Variants in TSPEAR observed in about 807,000 individuals in gnomAD.
TSPEAR encodes thrombospondin type laminin G domain and EAR repeats.
TSPEAR carries 69 observed loss-of-function variants against 71.6 expected under a neutral mutation model. That is an observed-to-expected ratio of 0.96 (90% confidence interval 0.79 to 1.18). TSPEAR has a LOEUF of 1.18. Among genes scored for constraint, TSPEAR ranks in the 50% most tolerant of loss-of-function variants. The probability of loss-of-function intolerance (pLI) is 0.00; values close to 1 mark genes in which losing one functional copy is unlikely to be tolerated. For missense variants in TSPEAR, 971 were observed against 894.9 expected (o/e 1.09, Z -1.09); for synonymous variants, 402 against 387.2 (o/e 1.04, Z -0.45).
chr21:44,659,216 C>T (rs1170498123), intron 1 of TSPEAR, among the ~76,000 whole-genome samples: 2 of 152,090 alleles, frequency 1.3e-5, no homozygotes, highest in Non-Finnish European at 2.9e-5. Flanking sequence ...CTCCTCTGAA[C>T]GTCAGGCATG....
At chr21:44,600,168 C>T (rs587656986) in intron 1 of TSPEAR, among the ~76,000 whole-genome samples, 16 of 152,282 alleles carry the variant, frequency 1.1e-4, no homozygotes, top group African/African-American at 3.6e-4. Context: ...ACAGGGGCTT[C>T]TCTAGCCTGG....
chr21:44,653,711 T>G (rs1984948384), intron 1 of TSPEAR, among the ~76,000 whole-genome samples: 1 of 152,204 alleles, frequency 6.6e-6, no homozygotes, highest in African/African-American at 2.4e-5. Flanking sequence ...GTCCTCAATC[T>G]CACCCAGAAG....
chr21:44,597,432 C>CTTTTTTTTTTT (rs370569621), intron 1 of TSPEAR, among the ~76,000 whole-genome samples: 1 of 130,620 alleles, frequency 7.7e-6, no homozygotes, highest in African/African-American at 3.3e-5. Context: ...TTCTTTCTTT[C>CTTTTTTTTTTT]TTTTCTTTTT....
In TSPEAR at chr21:44,701,732, A is replaced by G. The variant is rs1385847681; in HGVS notation, c.82+9701T>C. On this transcript the variant is annotated intron_variant, in intron 1 of 11. Transcript: ENST00000323084. ...GGAGCTCGGGTGGTAAAGCTCACTCACCTGCCACTCCCCTCCGGCTGTAAA... is the reference window on the plus strand; with the variant it reads ...GGAGCTCGGGTGGTAAAGCTCACTCGCCTGCCACTCCCCTCCGGCTGTAAA... 5.7e-4 allele frequency among the ~76,000 whole-genome samples: 48 copies of G among 84,242 alleles called. No individual in the cohort carries two copies. In the Admixed American group the frequency reaches 7.1e-3, roughly 13 times the overall value. The allele number at this position is 84,242 out of a possible 152,430, so 55.3% of individuals were successfully genotyped here. A position where few individuals can be genotyped will look rare whatever the true frequency, so the allele number is the denominator to read the frequency against.
At chr21:44,603,804 C>G (rs1342040563) in intron 1 of TSPEAR, among the ~76,000 whole-genome samples, 3 of 152,340 alleles carry the variant, frequency 2.0e-5, no homozygotes, top group Middle Eastern at 3.4e-3. Flanking sequence ...ACCGCCATCC[C>G]TGGTGAAAGA....
chr21:44,578,647 C>G (rs455911), intron 1 of TSPEAR, among the ~76,000 whole-genome samples: 143,194 of 152,232 alleles, frequency 0.94, 67,530 homozygotes, highest in Non-Finnish European at 0.97. Context: ...TGGAGGAACA[C>G]CCACGCCTTG....
chr21:44,509,049 A>C, intron 10 of TSPEAR, 150 bp downstream of exon 10: 1 of 1,367,726 alleles, frequency 7.3e-7, no homozygotes, highest in Non-Finnish European at 1.0e-6. Context: ...TTCTTTCCAC[A>C]GGAAGGTCCC....
At position 44,711,386 on chromosome 21, in the gene TSPEAR, C is replaced by T; in HGVS notation, c.82+47G>A. The T allele has an allele frequency of 6.5e-7, 1 of 1,527,172 alleles. No individual in the cohort carries two copies. Among genetic ancestry groups the T allele is most frequent in the Non-Finnish European group, 8.9e-7 (1 of 1,125,558 alleles). The allele number at this position is 1,527,172 out of a possible 1,614,324, so 94.6% of individuals were successfully genotyped here. ...ATTTGTGACTCGACACCCCTCCCAG[C>T]TCCCCGGCAAGATACCCCCGCCCGA... On this transcript the variant is annotated intron_variant, in intron 1 of 11. Transcript: ENST00000323084. The surrounding 1 kb of genome is among the most constrained non-coding windows in gnomAD (Gnocchi z 4.5).
At chr21:44,672,821 G>C (rs1986126100) in intron 1 of TSPEAR, among the ~76,000 whole-genome samples, 1 of 152,120 alleles carries the variant, frequency 6.6e-6, no homozygotes, top group Non-Finnish European at 1.5e-5. Context: ...ACGAGATCTG[G>C]TTGTTTAAAT....
In TSPEAR at chr21:44,567,817, C is replaced by A. The variant is rs1555921926; in HGVS notation, c.271G>T (p.Val91Leu). The A allele has an allele frequency of 1.9e-6, 3 of 1,594,598 alleles. No homozygotes were observed. In the Admixed American group the frequency reaches 5.2e-5, roughly 28 times the overall value. ...GGAAGATTGGGAACTCTCAAAGTTA[C>A]GACGATGGAAAATTCTTCAGGGAAG... ...DLFPEEFSIVVTLRVPNLPPK... is the reference protein window; with the variant it reads ...DLFPEEFSIVLTLRVPNLPPK... The change falls in exon 2 of 12, where the codon GTA (valine) becomes TTA (leucine). Residue 91 changes from valine (V) to leucine (L), a missense_variant. By Grantham distance (32) the Val-to-Leu change is conservative. Coordinates refer to ENST00000323084, the MANE Select transcript of TSPEAR (RefSeq NM_144991.3).
chr21:44,542,224 A>ATTAC (rs2146010103), intron 2 of TSPEAR, among the ~76,000 whole-genome samples: 1 of 152,342 alleles, frequency 6.6e-6, no homozygotes, highest in Non-Finnish European at 1.5e-5. Context: ...CAAAGAGAAG[A>ATTAC]TTAGTAAAGG....
chr21:44,611,435 G>A (rs1327771707), intron 1 of TSPEAR, among the ~76,000 whole-genome samples: 1 of 151,578 alleles, frequency 6.6e-6, no homozygotes, highest in African/African-American at 2.4e-5. Context: ...AGAAGTGCCT[G>A]TCAGCTCCCA....
At position 44,513,781 on chromosome 21, in the gene TSPEAR, G is replaced by T. The variant is rs145213852; in HGVS notation, c.1567-4395C>A. ...TGGGAATGCCAGGGGAGGGGAGGGA[G>T]GCAGGATGCACCCCTGGGGCTCCCT... On this transcript the variant is annotated intron_variant, in intron 9 of 11. Transcript: ENST00000323084. Among the ~76,000 whole-genome samples the T allele has an allele frequency of 4.9e-3, 750 of 152,268 alleles. 6 individuals are homozygous for T. The highest frequency in any genetic ancestry group is 0.017 in the African/African-American group (720 of 41,538).
rs782045688 is a variant in TSPEAR at position 44,533,790 on chromosome 21, G to A, written c.437C>T (p.Ser146Phe). 2 of 1,612,518 alleles carry A rather than the reference G, an allele frequency of 1.2e-6. 1 individual carries two copies. The highest frequency in any genetic ancestry group is 2.2e-5 in the South Asian group (2 of 91,072). Residue 146 changes from serine (S) to phenylalanine (F), a missense_variant, in exon 3 of 12, where the codon TCC becomes TTC. Transcript: ENST00000323084. ...ATCCACCAGGGCCGGGCTGCGGAAG[G>A]ACACTCGGGTCTGCCAGGCGCCGGC... ...DTAGAWQTRV[S>F]FRSPALVDGR...
chr21:44,571,703 A>T (rs2053799786), intron 1 of TSPEAR, among the ~76,000 whole-genome samples: 1 of 152,256 alleles, frequency 6.6e-6, no homozygotes, highest in Admixed American at 6.5e-5. Context: ...AAACGAAAGG[A>T]CTTGAGGGCC....
At chr21:44,549,018 C>T (rs587629390) in intron 2 of TSPEAR, among the ~76,000 whole-genome samples, 96 of 152,330 alleles carry the variant, frequency 6.3e-4, no homozygotes, top group African/African-American at 2.1e-3. Flanking sequence ...GTGCCTCTCA[C>T]GTGGCCGGTT....
chr21:44,612,894 G>T lies in TSPEAR; in HGVS notation c.83-44889C>A, dbSNP rs1555931585. The stretch of plus-strand genomic sequence containing the variant: ...CTGGCCTGCTGAGGCCTCTGCTCAG[G>T]CCAGGAGTCCAGCTGCTGATGGGCA... On this transcript the variant is annotated intron_variant, in intron 1 of 11. Transcript: ENST00000323084. This position sits in a 1 kb window ranked among gnomAD's most constrained non-coding sequence, Gnocchi z 4.1. 1 of 1,608,648 alleles carries T rather than the reference G, an allele frequency of 6.2e-7. No homozygotes were observed. Among genetic ancestry groups the T allele is most frequent in the Non-Finnish European group, 8.5e-7 (1 of 1,178,488 alleles).
chr21:44,529,131 G>T (rs977879980), intron 5 of TSPEAR, among the ~76,000 whole-genome samples: 1 of 152,220 alleles, frequency 6.6e-6, no homozygotes, highest in Non-Finnish European at 1.5e-5. Context: ...GGAGGTGGGG[G>T]CTCCCCTACT....
At chr21:44,627,966 C>T in intron 1 of TSPEAR, 11 of 1,519,972 alleles carry the variant, frequency 7.2e-6, no homozygotes, top group Non-Finnish European at 9.8e-6. Context: ...GCCGCCAGGC[C>T]TCCTGTGTGT....
Sources: allele counts gnomAD v4.1 joint callset (sites outside exome capture counted in the v4.1 genomes callset), GRCh38; gene constraint gnomAD v4.1.1; non-coding constraint Gnocchi (gnomAD v3.1); transcripts MANE v1.5; gene names NCBI Gene and HGNC (gene_info 2026-07-23, HGNC 2026-07-21).